The following SLC1A3 variants were observed in gnomAD, a reference collection of about 807,000 sequenced individuals.
The protein encoded by SLC1A3 is solute carrier family 1 member 3.
SLC1A3 carries 21 observed loss-of-function variants against 48.1 expected under a neutral mutation model. The observed-to-expected ratio is 0.44, with a 90% confidence interval of 0.31 to 0.63. The LOEUF is 0.63. SLC1A3 is among the 20% of genes least tolerant of loss of function. The pLI is 0.08. For missense variants in SLC1A3, 546 were observed against 689.0 expected (o/e 0.79, Z 2.32); for synonymous variants, 239 against 251.4 (o/e 0.95, Z 0.47).
intron 3 of SLC1A3, among the ~76,000 whole-genome samples, chr5:36,637,851 G>A (rs1579981165): frequency 6.6e-6 from 1 of 152,214 alleles, no homozygotes; most frequent in Non-Finnish European, 1.5e-5. Flanking sequence ...CTACATAGAG[G>A]TAGTGCCCAG....
At chr5:36,597,180 A>G (rs1738752225) in intron 1 of SLC1A3, among the ~76,000 whole-genome samples, 1 of 150,274 alleles carries the variant, frequency 6.7e-6, no homozygotes, top group Non-Finnish European at 1.5e-5. Context: ...AAGTGCATTA[A>G]TATAAACCTA....
In SLC1A3 at chr5:36,608,493, A is replaced by G; in HGVS notation, c.70A>G (p.Lys24Glu). ...RMERFQQGVR[K>E]RTLLAKKKVQ... is the part of the protein sequence containing the mutation. The stretch of plus-strand genomic sequence containing the variant: ...GGAGAGATTCCAGCAGGGAGTCCGT[A>G]AACGCACACTTTTGGCCAAGAAGAA... The change falls in exon 2 of 10, where the codon AAA (lysine) becomes GAA (glutamate). Residue 24 changes from lysine (K) to glutamate (E), a missense_variant. Coordinates refer to ENST00000265113, the MANE Select transcript of SLC1A3 (RefSeq NM_004172.5). The G allele has an allele frequency of 1.9e-6, 3 of 1,614,062 alleles. No individual in the cohort carries two copies. Among genetic ancestry groups the G allele is most frequent in the Non-Finnish European group, 2.5e-6 (3 of 1,179,896 alleles).
intron 5 of SLC1A3, among the ~76,000 whole-genome samples, chr5:36,675,665 A>G (rs1280557792): frequency 2.6e-5 from 4 of 152,230 alleles, no homozygotes; most frequent in Non-Finnish European, 5.9e-5. Context: ...AAAATGCATA[A>G]GGACCCAACG....
intron 2 of SLC1A3, among the ~76,000 whole-genome samples, chr5:36,629,028 T>C (rs918421559): frequency 6.6e-6 from 1 of 152,252 alleles, no homozygotes; most frequent in African/African-American, 2.4e-5. Context: ...AAAGTGGTTA[T>C]GTTAGCAATT....
At chr5:36,616,034 A>G (rs536814365) in intron 2 of SLC1A3, among the ~76,000 whole-genome samples, 2 of 152,198 alleles carry the variant, frequency 1.3e-5, no homozygotes, top group East Asian at 1.9e-4. Flanking sequence ...GGTCTCTACT[A>G]AAAATACAAA....
chr5:36,600,361 AC>A, intron 1 of SLC1A3, among the ~76,000 whole-genome samples: 1 of 152,112 alleles, frequency 6.6e-6, no homozygotes, highest in Admixed American at 6.5e-5. Flanking sequence ...GGAGGAGAGG[AC>A]CTCCTACAAT....
Position 36,636,535 on chromosome 5 carries a change from TTCTC to T in SLC1A3, c.319+6956_319+6959del, listed in dbSNP as rs563631418. Reference sequence around the variant, plus strand: ...TTTCTTTCTTTCTCTCTCTTTCCTTTTCTCTCTCTCTTTCCTTTCTTTCTTTCTC... The same window carrying T: ...TTTCTTTCTTTCTCTCTCTTTCCTTTTCTCTCTTTCCTTTCTTTCTTTCTC... On this transcript the variant is annotated intron_variant, in intron 3 of 9. Transcript: ENST00000265113. 1.6e-4 allele frequency among the ~76,000 whole-genome samples: 23 copies of T among 147,674 alleles called. No homozygotes were observed. In the South Asian group the frequency reaches 2.8e-3, roughly 18 times the overall value.
intron 2 of SLC1A3, among the ~76,000 whole-genome samples, chr5:36,615,315 T>G (rs1176947291): frequency 6.6e-6 from 1 of 152,228 alleles, no homozygotes; most frequent in Non-Finnish European, 1.5e-5. Flanking sequence ...TCATTTTAAG[T>G]CTAGTTTATC....
chr5:36,673,871 G>T (rs1170173265), intron 4 of SLC1A3, among the ~76,000 whole-genome samples, 178 bp from the exon 5 acceptor site: 1 of 152,098 alleles, frequency 6.6e-6, no homozygotes, highest in Non-Finnish European at 1.5e-5. Context: ...TGAACTACAT[G>T]GGCCACACTT....
intron 3 of SLC1A3, among the ~76,000 whole-genome samples, chr5:36,653,454 T>C (rs1304119512): frequency 6.6e-6 from 1 of 152,224 alleles, no homozygotes. Flanking sequence ...ACACCACTAC[T>C]AAATTCTTGG....
At chr5:36,606,283 G>A (rs1364756311), upstream of SLC1A3, 1 of 152,240 alleles carries the variant, frequency 6.6e-6, no homozygotes, top group Non-Finnish European at 1.5e-5. Flanking sequence ...AATAATGTGA[G>A]GTAATTAAAT....
intron 2 of SLC1A3, among the ~76,000 whole-genome samples, chr5:36,627,172 T>C (rs568133778): frequency 6.6e-6 from 1 of 152,200 alleles, no homozygotes; most frequent in East Asian, 1.9e-4. Flanking sequence ...CACACACACG[T>C]ACGTACCTAG....
chr5:36,651,165 A>T (rs1425203625), intron 3 of SLC1A3, among the ~76,000 whole-genome samples: 1 of 127,112 alleles, frequency 7.9e-6, no homozygotes, highest in East Asian at 2.1e-4. Context: ...AAAAAAAAAA[A>T]AGGAAATATA....
intron 2 of SLC1A3, among the ~76,000 whole-genome samples, chr5:36,620,975 G>A (rs938641567): frequency 6.6e-6 from 1 of 151,490 alleles, no homozygotes; most frequent in African/African-American, 2.4e-5. Context: ...GTGCAATCTC[G>A]GCTCACTACA....
chr5:36,641,303 C>T (rs1481943866), intron 3 of SLC1A3, among the ~76,000 whole-genome samples: 1 of 152,062 alleles, frequency 6.6e-6, no homozygotes, highest in African/African-American at 2.4e-5. Context: ...TCTGACAGTG[C>T]CTCTAATATT....
intron 3 of SLC1A3, chr5:36,636,508 T>TTCTTTCTTTCTTTCTTTCTCTTC (rs1561255369): frequency 1.5e-4 from 21 of 139,116 alleles, no homozygotes; most frequent in African/African-American, 5.4e-4. Flanking sequence ...TCTTTCTTTT[T>TTCTTTCTTTCTTTCTTTCTCTTC]CTTTCTTTCT....
rs147365386 is a variant in SLC1A3, at chr5:36,625,814, A to G, written c.182-3636A>G. 4.9e-4 allele frequency among the ~76,000 whole-genome samples: 74 copies of G among 152,308 alleles called. No individual in the cohort carries two copies. In the East Asian group the frequency reaches 0.012, roughly 25 times the overall value. ...GAGAAATGACGTCCTCCTACTATAG[A>G]GAAGAACTTTTAGACAATGTAGGTG... On this transcript the variant is annotated intron_variant, in intron 2 of 9. Coordinates refer to ENST00000265113, the MANE Select transcript of SLC1A3 (RefSeq NM_004172.5).
chr5:36,629,743 A>G (rs1408734759), intron 3 of SLC1A3, among the ~76,000 whole-genome samples, 156 bp downstream of exon 3: 2 of 151,818 alleles, frequency 1.3e-5, no homozygotes, highest in East Asian at 3.9e-4. Context: ...AGGAGGCTTT[A>G]GTAATGCATG....
intron 5 of SLC1A3, among the ~76,000 whole-genome samples, chr5:36,676,648 ATG>A (rs3051481): frequency 0.46 from 68,179 of 149,760 alleles, 15,470 homozygotes; most frequent in Admixed American, 0.53. Flanking sequence ...GAGTGTGTGT[ATG>A]TGTGTGTGTG....
Sources: gnomAD v4.1 joint callset for allele counts (sites outside exome capture counted in the v4.1 genomes callset) on GRCh38, gnomAD v4.1.1 for gene constraint, MANE v1.5 for transcripts, NCBI Gene and HGNC (gene_info 2026-07-23, HGNC 2026-07-21) for gene names.